Variants in FRMD7 observed in about 807,000 individuals in gnomAD.
FRMD7 encodes the protein FERM domain containing 7, also known as FERM domain-containing protein 7.
A neutral mutation model predicts 44.1 loss-of-function variants in FRMD7; 14 were observed. The observed-to-expected ratio is 0.32, with a 90% confidence interval of 0.21 to 0.50. The LOEUF (loss-of-function observed/expected upper bound fraction) is 0.50, where lower values mean the gene tolerates loss of function less well. FRMD7 is among the 20% of genes least tolerant of loss of function. The probability of loss-of-function intolerance (pLI) is 0.99; values close to 1 mark genes in which losing one functional copy is unlikely to be tolerated. For synonymous variants in FRMD7, 212 were observed against 187.4 expected, an observed-to-expected ratio of 1.13 and a Z score of -1.07; for missense variants, 501 against 522.3, an observed-to-expected ratio of 0.96 and a Z score of 0.40.
At chrX:132,096,051 C>T (rs1328784855) in intron 4 of FRMD7, among the ~76,000 whole-genome samples, 1 of 110,902 alleles carries the variant, frequency 9.0e-6, no homozygotes, top group African/African-American at 3.3e-5. Flanking sequence ...AGTTTATCTC[C>T]ATCAAAATTG....
intron 1 of FRMD7, among the ~76,000 whole-genome samples, chrX:132,125,663 C>T (rs1929138834): frequency 8.9e-6 from 1 of 112,136 alleles, no homozygotes; most frequent in Non-Finnish European, 1.9e-5. Context: ...CCACATAATT[C>T]TTCAACCATG....
chrX:132,120,652 C>G lies in FRMD7; in HGVS notation c.57+7136G>C. Reference sequence around the variant, plus strand: ...GGGAGTGGGAAGGCTGGAGGCCCTGCCTTTGCTCTGAACTGGAGCAGGAAA... The same window carrying G: ...GGGAGTGGGAAGGCTGGAGGCCCTGGCTTTGCTCTGAACTGGAGCAGGAAA... On this transcript the variant is annotated intron_variant, in intron 1 of 11. Transcript: ENST00000298542. Among the ~76,000 whole-genome samples, 3 of 112,354 alleles carry G rather than the reference C, an allele frequency of 2.7e-5. No homozygotes were observed. In the South Asian group the frequency reaches 1.1e-3, roughly 42 times the overall value.
intron 2 of FRMD7, among the ~76,000 whole-genome samples, chrX:132,100,395 G>C (rs773457950): frequency 3.2e-4 from 36 of 112,650 alleles, no homozygotes; most frequent in Non-Finnish European, 5.8e-4. Context: ...GCTTCCCAAA[G>C]TGTTGGGATT....
At chrX:132,097,477 C>T (rs890376219) in intron 3 of FRMD7, 133 bp from the exon 4 acceptor site, 5 of 520,285 alleles carry the variant, frequency 9.6e-6, no homozygotes, top group African/African-American at 9.2e-5. Flanking sequence ...TCACTCCCTC[C>T]TACAGACTTC....
chrX:132,086,978 A>G (rs1928013084), intron 5 of FRMD7, among the ~76,000 whole-genome samples: 1 of 112,363 alleles, frequency 8.9e-6, no homozygotes, highest in Non-Finnish European at 1.9e-5. Context: ...CTAGCAGTTT[A>G]TCTATGATCA....
intron 1 of FRMD7, among the ~76,000 whole-genome samples, chrX:132,111,906 A>G (rs1406211649): frequency 8.9e-6 from 1 of 112,353 alleles, no homozygotes; most frequent in East Asian, 2.8e-4. Context: ...CCTTATTTAC[A>G]GAGAGCTTAA....
rs779874421 is a variant in FRMD7, at chrX:132,078,679, G to A, written c.1338C>T (p.Phe446=). 5 of 1,211,729 alleles carry A rather than the reference G, an allele frequency of 4.1e-6. No individual in the cohort carries two copies. The highest frequency in any genetic ancestry group is 4.6e-4 in the Middle Eastern group (2 of 4,352). ...IFSERSSLSS[F]QTSCKFSGNH... ...TACCAGAAAACTTACAGCTTGTTTG[G>A]AAGGAGCTTAGAGAACTCCTCTCTG... Residue 446 remains phenylalanine (F), a synonymous_variant, in exon 12 of 12, where the codon TTC becomes TTT. Transcript: ENST00000298542.
At chrX:132,082,193 G>T (rs1436546829) in intron 9 of FRMD7, among the ~76,000 whole-genome samples, 170 bp downstream of exon 9, 1 of 112,011 alleles carries the variant, frequency 8.9e-6, no homozygotes, top group Non-Finnish European at 1.9e-5. Context: ...CTCCTAGTTA[G>T]AAAACATTGA....
At chrX:132,125,256 G>A (rs1438431910) in intron 1 of FRMD7, among the ~76,000 whole-genome samples, 1 of 111,774 alleles carries the variant, frequency 8.9e-6, no homozygotes, top group East Asian at 2.8e-4. Flanking sequence ...AAGGGTTCTG[G>A]ATGTCAATGA....
intron 1 of FRMD7, among the ~76,000 whole-genome samples, chrX:132,119,248 G>A (rs1376100843): frequency 8.9e-6 from 1 of 112,245 alleles, no homozygotes; most frequent in Non-Finnish European, 1.9e-5. Flanking sequence ...GACGTATTAA[G>A]TAATGATTGT....
At chrX:132,098,755 G>A (rs1928414826) in intron 3 of FRMD7, among the ~76,000 whole-genome samples, 1 of 108,525 alleles carries the variant, frequency 9.2e-6, no homozygotes, top group Non-Finnish European at 1.9e-5. Context: ...GAAGCTGTTG[G>A]AATAATGTGA....
At chrX:132,096,416 G>C (rs1186296637) in intron 4 of FRMD7, among the ~76,000 whole-genome samples, 1 of 110,326 alleles carries the variant, frequency 9.1e-6, no homozygotes, top group African/African-American at 3.3e-5. Context: ...CCTCTTTCAC[G>C]TATAGGAGTC....
chrX:132,097,089 G>A (rs760915110), intron 4 of FRMD7, among the ~76,000 whole-genome samples, 177 bp downstream of exon 4: 2 of 110,972 alleles, frequency 1.8e-5, no homozygotes, highest in Admixed American at 9.6e-5. Flanking sequence ...CCACCCTTTG[G>A]ATGATGAACA....
At chrX:132,085,863 G>T in intron 6 of FRMD7, 57 bp downstream of exon 6, 3 of 1,024,649 alleles carry the variant, frequency 2.9e-6, no homozygotes, top group Non-Finnish European at 4.1e-6. Flanking sequence ...TTAAGAGTCT[G>T]TCCCCAATTT....
intron 7 of FRMD7, 41 bp downstream of exon 7, chrX:132,085,540 C>T (rs1003944075): frequency 1.2e-5 from 14 of 1,184,516 alleles, no homozygotes; most frequent in Non-Finnish European, 1.4e-5. Context: ...GATAACCACC[C>T]CTCACTAAAG....
At chrX:132,110,416 AAGAG>A (rs965882953) in intron 1 of FRMD7, among the ~76,000 whole-genome samples, 3 of 110,625 alleles carry the variant, frequency 2.7e-5, no homozygotes, top group African/African-American at 9.9e-5. Context: ...TGGGGAGGTT[AAGAG>A]AGAGAGAGTG....
At chrX:132,110,427 A>T (rs753935068) in intron 1 of FRMD7, among the ~76,000 whole-genome samples, 1 of 110,625 alleles carries the variant, frequency 9.0e-6, no homozygotes, top group East Asian at 2.9e-4. Context: ...AGAGAGAGAG[A>T]GTGTCCTAGA....
intron 3 of FRMD7, 81 bp downstream of exon 3, chrX:132,099,387 T>G: frequency 5.5e-5 from 43 of 778,359 alleles, no homozygotes; most frequent in Non-Finnish European, 7.4e-5. Flanking sequence ...TATATTAAAA[T>G]GAGAAATTGT....
At position 132,085,753 on chromosome X, in the gene FRMD7, C is replaced by A. The variant is rs1375078216; in HGVS notation, c.498-25G>T. On this transcript the variant is annotated intron_variant, in intron 6 of 11. Transcript: ENST00000298542. ...ACTGAAAGGGGAAAGAATTTATGAG[C>A]CTAATAAATGCCTCAAGAATGACAT... 6 of 1,187,757 alleles carry A rather than the reference C, an allele frequency of 5.1e-6. No homozygotes were observed. The East Asian group carries it at 1.2e-4, about 24-fold the overall frequency.
Sources: gnomAD v4.1 joint callset for allele counts (sites outside exome capture counted in the v4.1 genomes callset) on GRCh38, gnomAD v4.1.1 for gene constraint, MANE v1.5 for transcripts, NCBI Gene and HGNC (gene_info 2026-07-23, HGNC 2026-07-21) for gene names.